Variants in ABHD12B observed in about 807,000 individuals in gnomAD.
ABHD12B encodes abhydrolase domain containing 12B, also known as protein ABHD12B.
In ABHD12B, 42 loss-of-function variants were observed where a neutral mutation model predicts 50.4. The ratio of observed to expected loss-of-function variants is 0.83; its 90% confidence interval spans 0.65 to 1.08. ABHD12B has a LOEUF of 1.08. Among genes scored for constraint, ABHD12B ranks in the 50% least tolerant of loss-of-function variants. ABHD12B has a pLI of 0.00. For missense variants in ABHD12B, 479 were observed against 447.7 expected (o/e 1.07, Z -0.63); for synonymous variants, 167 against 160.3 (o/e 1.04, Z -0.32).
chr14:50,890,421 G>C (rs2050101897), intron 9 of ABHD12B, among the ~76,000 whole-genome samples: 2 of 152,108 alleles, frequency 1.3e-5, no homozygotes, highest in Admixed American at 6.6e-5. Flanking sequence ...CCTTATTTTA[G>C]ATGTAATCCT....
intron 4 of ABHD12B, 50 bp from the exon 5 acceptor site, chr14:50,881,546 A>G: frequency 6.4e-7 from 1 of 1,563,182 alleles, no homozygotes; most frequent in Admixed American, 1.9e-5. Flanking sequence ...ATTTGTTATC[A>G]TCGTTCCTAA....
At chr14:50,895,119 G>C (rs543040127) in intron 9 of ABHD12B, among the ~76,000 whole-genome samples, 1 of 150,184 alleles carries the variant, frequency 6.7e-6, no homozygotes, top group East Asian at 1.9e-4. Context: ...CCCAGTTCAT[G>C]ACGTGTTTGG....
chr14:50,904,326 C>G lies in ABHD12B; in HGVS notation c.1062-13C>G. On this transcript the variant is annotated splice_polypyrimidine_tract_variant and intron_variant, in intron 12 of 12. Coordinates refer to ENST00000337334, the MANE Select transcript of ABHD12B (RefSeq NM_001206673.2). The stretch of plus-strand genomic sequence containing the variant: ...GGAAAGGGTGTGAGCTGATCTGGGT[C>G]CTTTTTCTACAGAGATTTCCTGAGC... 1.9e-6 allele frequency: 3 copies of G among 1,613,524 alleles called. No homozygotes were observed. Among genetic ancestry groups the G allele is most frequent in the Non-Finnish European group, 2.5e-6 (3 of 1,179,802 alleles).
At position 50,904,320 on chromosome 14, in the gene ABHD12B, C is replaced by T; in HGVS notation, c.1062-19C>T. 1.2e-5 allele frequency: 19 copies of T among 1,613,484 alleles called. No individual in the cohort carries two copies. The highest frequency in any genetic ancestry group is 1.6e-5 in the Non-Finnish European group (19 of 1,179,768). On this transcript the variant is annotated intron_variant, in intron 12 of 12. Coordinates refer to ENST00000337334, the MANE Select transcript of ABHD12B (RefSeq NM_001206673.2). ...AGGTAGGGAAAGGGTGTGAGCTGAT[C>T]TGGGTCCTTTTTCTACAGAGATTTC...
At chr14:50,898,006 A>G (rs547236853) in intron 9 of ABHD12B, among the ~76,000 whole-genome samples, 16 of 152,318 alleles carry the variant, frequency 1.1e-4, no homozygotes, top group African/African-American at 3.9e-4. Context: ...TTCAGAGCCT[A>G]TTGGACCTAA....
chr14:50,888,717 T>A (rs1430273592), intron 8 of ABHD12B, 107 bp from the exon 9 acceptor site: 1 of 880,078 alleles, frequency 1.1e-6, no homozygotes, highest in Admixed American at 2.4e-5. Context: ...ACAAATAATT[T>A]TGATGCACGT....
chr14:50,880,243 GTC>G (rs3082606), intron 3 of ABHD12B, among the ~76,000 whole-genome samples: 4,610 of 152,302 alleles, frequency 0.03, 200 homozygotes, highest in East Asian at 0.15. Context: ...AAAAGGCATT[GTC>G]TCTGTGCATG....
intron 1 of ABHD12B, 33 bp downstream of exon 1, chr14:50,872,311 C>T: frequency 1.6e-6 from 2 of 1,251,558 alleles, no homozygotes; most frequent in Non-Finnish European, 2.0e-6. Flanking sequence ...CTGGCCGGGC[C>T]CCGACGGCTC....
rs1457465676 is a variant in ABHD12B, at chr14:50,904,043, C to A, written c.943-31C>A. ...AGAAAAATCTACAGCTTTGAATGGCCATCCTTTGAGTCTCTTTCTGTCGCT... is the reference window on the plus strand; with the variant it reads ...AGAAAAATCTACAGCTTTGAATGGCAATCCTTTGAGTCTCTTTCTGTCGCT... On this transcript the variant is annotated intron_variant, in intron 11 of 12. Coordinates refer to ENST00000337334, the MANE Select transcript of ABHD12B (RefSeq NM_001206673.2). 9 of 1,554,166 alleles carry A rather than the reference C, an allele frequency of 5.8e-6. No homozygotes were observed. In the South Asian group the frequency reaches 1.0e-4, roughly 18 times the overall value.
chr14:50,903,249 ATTG>A, intron 10 of ABHD12B, 137 bp from the exon 11 acceptor site: 1 of 559,410 alleles, frequency 1.8e-6, no homozygotes, highest in Non-Finnish European at 3.1e-6. Context: ...AATGTATGAT[ATTG>A]TTATTCCTTG....
Position 50,880,476 on chromosome 14 carries a change from G to A in ABHD12B, c.360G>A (p.Gly120=). 6.2e-7 allele frequency: 1 copy of A among 1,609,860 alleles called. No homozygotes were observed. Among genetic ancestry groups the A allele is most frequent in the Non-Finnish European group, 8.5e-7 (1 of 1,178,072 alleles). Residue 120 remains glycine (G), a synonymous_variant, in exon 4 of 13, where the codon GGG becomes GGA. Transcript: ENST00000337334. ...GGCACACAGTCCCCAGCTGCCGGGG[G>A]GAAGATGCCAAGGGGAAGGACTGTT... ...GIWHTVPSCR[G]EDAKGKDCCW... is the part of the protein sequence containing the mutation.
At chr14:50,881,562 G>GT (rs2049947798) in intron 4 of ABHD12B, 34 bp from the exon 5 acceptor site, 1 of 651,340 alleles carries the variant, frequency 1.5e-6, no homozygotes, top group African/African-American at 3.2e-5. Context: ...CCTAATTCTT[G>GT]CTTTTTTTTT....
chr14:50,893,314 A>G (rs1220245852), intron 9 of ABHD12B: 1 of 156,920 alleles, frequency 6.4e-6, no homozygotes, highest in Admixed American at 6.5e-5. Flanking sequence ...AGAAGTATAA[A>G]TGGCCGGTCC....
At chr14:50,877,221 T>G (rs1374984175) in intron 1 of ABHD12B, among the ~76,000 whole-genome samples, 1 of 152,196 alleles carries the variant, frequency 6.6e-6, no homozygotes, top group Non-Finnish European at 1.5e-5. Context: ...CATTTCTTCC[T>G]AAGATAAGTC....
chr14:50,878,853 T>G lies in ABHD12B; in HGVS notation c.335+6T>G, dbSNP rs1327304889. On this transcript the variant is annotated splice_donor_region_variant and intron_variant, in intron 3 of 12. Transcript: ENST00000337334. ...GGGGTGATGCTAGGGATCTGGTGAG[T>G]GCACGGATGGGACACCGGGTTGCTT... is the stretch of plus-strand genomic sequence containing the variant. 2.5e-6 allele frequency: 4 copies of G among 1,612,146 alleles called. No individual in the cohort carries two copies. In the East Asian group the frequency reaches 8.9e-5, roughly 36 times the overall value.
intron 8 of ABHD12B, 71 bp from the exon 9 acceptor site, chr14:50,888,753 C>G: frequency 7.4e-7 from 1 of 1,353,144 alleles, no homozygotes; most frequent in Non-Finnish European, 1.0e-6. Context: ...TCTTGAATAC[C>G]CCTTATCTAG....
intron 11 of ABHD12B, 32 bp downstream of exon 11, chr14:50,903,499 T>C (rs2050290185): frequency 1.3e-6 from 2 of 1,550,094 alleles, no homozygotes; most frequent in African/African-American, 2.8e-5. Context: ...GACTGAAATA[T>C]ACTATACTCA....
At chr14:50,894,611 G>A (rs1202055545) in intron 9 of ABHD12B, among the ~76,000 whole-genome samples, 1 of 152,050 alleles carries the variant, frequency 6.6e-6, no homozygotes, top group African/African-American at 2.4e-5. Context: ...CCAGAAAATG[G>A]CACTTTGAAT....
rs191315722 is a variant in ABHD12B, at chr14:50,893,604, C to T, written c.780+4701C>T. ...GTTTGGTGGTCTCTTCACACGGACG[C>T]GCATGAAATTTGGTGCCGTGACTCG... On this transcript the variant is annotated intron_variant, in intron 9 of 12. Coordinates refer to ENST00000337334, the MANE Select transcript of ABHD12B (RefSeq NM_001206673.2). 1,294 of 154,798 alleles carry T rather than the reference C, an allele frequency of 8.4e-3. 18 individuals are homozygous for T. Among genetic ancestry groups the T allele is most frequent in the African/African-American group, 0.029 (1,215 of 41,612 alleles). 9.6% of individuals were successfully genotyped at this position (154,798 alleles called of 1,614,324 possible).
Sources: allele counts gnomAD v4.1 joint callset (sites outside exome capture counted in the v4.1 genomes callset), GRCh38; gene constraint gnomAD v4.1.1; transcripts MANE v1.5; gene names NCBI Gene and HGNC (gene_info 2026-07-23, HGNC 2026-07-21).